MDGA2: variants seen among roughly 807,000 people sequenced by gnomAD.
MDGA2 encodes the protein MAM domain containing glycosylphosphatidylinositol anchor 2.
MDGA2 carries 40 observed loss-of-function variants against 117.8 expected under a neutral mutation model. The observed-to-expected ratio is 0.34, with a 90% CI of 0.26 to 0.44. MDGA2 has a LOEUF of 0.44. MDGA2 is among the 20% of genes least tolerant of loss of function. The pLI is 1.00. For missense variants in MDGA2, 1,123 were observed against 1,250.6 expected, an observed-to-expected ratio of 0.90 and a Z score of 1.54; for synonymous variants, 452 against 439.0, an observed-to-expected ratio of 1.03 and a Z score of -0.37.
chr14:47,228,801 C>T (rs1886593605), intron 2 of MDGA2, among the ~76,000 whole-genome samples: 1 of 152,132 alleles, frequency 6.6e-6, no homozygotes, highest in Non-Finnish European at 1.5e-5. Flanking sequence ...AGTCCTCTCC[C>T]TATGGAGTCA....
At chr14:47,100,555 T>C (rs1053781122) in intron 5 of MDGA2, among the ~76,000 whole-genome samples, 6 of 152,222 alleles carry the variant, frequency 3.9e-5, no homozygotes, top group Non-Finnish European at 5.9e-5. Context: ...TAAATGTCCA[T>C]TGATTCATCG....
At chr14:46,914,962 T>C (rs1240901944) in intron 10 of MDGA2, among the ~76,000 whole-genome samples, 1 of 152,160 alleles carries the variant, frequency 6.6e-6, no homozygotes, top group Non-Finnish European at 1.5e-5. Flanking sequence ...TTTGGCCTTC[T>C]AGTAAAATAT....
At position 47,337,760 on chromosome 14, in the gene MDGA2, T is replaced by C. The variant is rs557121368; in HGVS notation, c.281-36210A>G. On this transcript the variant is annotated intron_variant, in intron 1 of 16. Coordinates refer to ENST00000399232, the MANE Select transcript of MDGA2 (RefSeq NM_001113498.3). ...CTTAGTTTCATAATGTATGATATGA[T>C]ATTAAGCATTTAGAATTATACAGTA... Among the ~76,000 whole-genome samples, 46 of 152,178 alleles carry C rather than the reference T, an allele frequency of 3.0e-4. 2 individuals carry two copies. Among genetic ancestry groups the C allele is most frequent in the Non-Finnish European group, 1.5e-5 (1 of 67,986 alleles).
At chr14:47,490,484 G>A (rs1894146193) in intron 1 of MDGA2, among the ~76,000 whole-genome samples, 1 of 152,026 alleles carries the variant, frequency 6.6e-6, no homozygotes, top group Non-Finnish European at 1.5e-5. Context: ...ACTCTTTGAG[G>A]ACTAAATGAA....
At chr14:46,954,233 C>T (rs994838003) in intron 9 of MDGA2, among the ~76,000 whole-genome samples, 6 of 151,940 alleles carry the variant, frequency 3.9e-5, no homozygotes, top group Non-Finnish European at 5.9e-5. Context: ...TTGTAAGACA[C>T]GTGCACCCAT....
intron 1 of MDGA2, among the ~76,000 whole-genome samples, chr14:47,373,227 T>A (rs1891404072): frequency 1.3e-5 from 2 of 152,048 alleles, no homozygotes; most frequent in Non-Finnish European, 2.9e-5. Flanking sequence ...CACTAATTCA[T>A]TCAATTAGCT....
At chr14:46,988,983 T>C (rs1040276737) in intron 8 of MDGA2, among the ~76,000 whole-genome samples, 27 of 151,996 alleles carry the variant, frequency 1.8e-4, no homozygotes, top group Non-Finnish European at 7.4e-5. Context: ...AAAGAAAGCA[T>C]ATCCATGGCA....
chr14:47,437,561 C>T (rs1892923644), intron 1 of MDGA2, among the ~76,000 whole-genome samples: 1 of 152,064 alleles, frequency 6.6e-6, no homozygotes, highest in African/African-American at 2.4e-5. Flanking sequence ...CAAATCCACC[C>T]ACAGTTTGTA....
intron 1 of MDGA2, among the ~76,000 whole-genome samples, chr14:47,361,240 T>C (rs1891117956): frequency 8.4e-5 from 1 of 11,934 alleles, no homozygotes; most frequent in Non-Finnish European, 1.6e-4. Context: ...GCAGTAGTAA[T>C]TACAACACAC....
chr14:47,576,448 T>G (rs1227495310), intron 1 of MDGA2, among the ~76,000 whole-genome samples: 2 of 152,156 alleles, frequency 1.3e-5, no homozygotes, highest in African/African-American at 2.4e-5. Flanking sequence ...AATTAAGGTA[T>G]GCATGATGGT....
intron 2 of MDGA2, among the ~76,000 whole-genome samples, chr14:47,227,321 C>T (rs1886540678): frequency 6.6e-6 from 1 of 152,226 alleles, no homozygotes; most frequent in African/African-American, 2.4e-5. Flanking sequence ...TATGAAAGCC[C>T]TGCTCCCGTG....
chr14:47,045,568 G>C (rs1889227724), intron 7 of MDGA2, among the ~76,000 whole-genome samples: 1 of 152,006 alleles, frequency 6.6e-6, no homozygotes, highest in Non-Finnish European at 1.5e-5. Context: ...ATTTCAGCTT[G>C]TTAAAGAATT....
At chr14:47,496,009 T>C (rs1894273827) in intron 1 of MDGA2, among the ~76,000 whole-genome samples, 1 of 152,188 alleles carries the variant, frequency 6.6e-6, no homozygotes, top group South Asian at 2.1e-4. Context: ...AGCTATTGGA[T>C]ATTTGCATTT....
chr14:47,584,549 C>T lies in MDGA2; in HGVS notation c.280+89968G>A, dbSNP rs902623781. On this transcript the variant is annotated intron_variant, in intron 1 of 16. Transcript: ENST00000399232. Reference sequence around the variant, plus strand: ...CTTAAATATCTTAAAAACTCTCATACGCATCCTTTCCATTCCTTCTGCTAT... The same window carrying T: ...CTTAAATATCTTAAAAACTCTCATATGCATCCTTTCCATTCCTTCTGCTAT... Among the ~76,000 whole-genome samples, 7 of 151,846 alleles carry T rather than the reference C, an allele frequency of 4.6e-5. No homozygotes were observed. The East Asian group carries it at 9.7e-4, about 21-fold the overall frequency.
At chr14:47,647,756 A>G (rs1897563556) in intron 1 of MDGA2, among the ~76,000 whole-genome samples, 1 of 152,126 alleles carries the variant, frequency 6.6e-6, no homozygotes, top group African/African-American at 2.4e-5. Flanking sequence ...GCTGTTTTAA[A>G]AGTTTTAGAA....
At chr14:47,510,223 C>G (rs1894610214) in intron 1 of MDGA2, among the ~76,000 whole-genome samples, 1 of 152,104 alleles carries the variant, frequency 6.6e-6, no homozygotes, top group Non-Finnish European at 1.5e-5. Flanking sequence ...AAGAAGACAG[C>G]AGTCTGCAAC....
chr14:47,084,617 C>G, intron 6 of MDGA2, among the ~76,000 whole-genome samples: 1 of 152,108 alleles, frequency 6.6e-6, no homozygotes, highest in East Asian at 1.9e-4. Context: ...TACTTACCCA[C>G]CCTAACCCAT....
In MDGA2 at chr14:47,548,482, T is replaced by C. The variant is rs529811147; in HGVS notation, c.280+126035A>G. ...TAAGGACTAATCCAGAAAGTCTATA[T>C]ACTTTGTTACATGCATCCATAGAAG... On this transcript the variant is annotated intron_variant, in intron 1 of 16. Coordinates refer to ENST00000399232, the MANE Select transcript of MDGA2 (RefSeq NM_001113498.3). Among the ~76,000 whole-genome samples the C allele has an allele frequency of 2.6e-5, 4 of 152,320 alleles. 1 individual carries two copies. Among genetic ancestry groups the C allele is most frequent in the South Asian group, 2.1e-4 (1 of 4,830 alleles).
At chr14:47,567,033 T>C (rs919432604) in intron 1 of MDGA2, among the ~76,000 whole-genome samples, 5 of 151,794 alleles carry the variant, frequency 3.3e-5, no homozygotes, top group Admixed American at 1.3e-4. Flanking sequence ...GCATCCTGAG[T>C]AAATCAGACT....
Sources: allele counts gnomAD v4.1 joint callset (sites outside exome capture counted in the v4.1 genomes callset), GRCh38; gene constraint gnomAD v4.1.1; transcripts MANE v1.5; gene names NCBI Gene and HGNC (gene_info 2026-07-23, HGNC 2026-07-21).